LCORL: variants seen among roughly 807,000 people sequenced by gnomAD.
LCORL encodes ligand-dependent nuclear receptor corepressor-like protein.
In LCORL, 41 loss-of-function variants were observed where a neutral mutation model predicts 141.8. The observed-to-expected ratio is 0.29, with a 90% CI of 0.23 to 0.38. The LOEUF is 0.38. LCORL is among the 10% of genes least tolerant of loss of function. The pLI is 1.00. For synonymous variants in LCORL, 618 were observed against 694.1 expected (o/e 0.89, Z 1.72); for missense variants, 1,759 against 2,035.0 (o/e 0.86, Z 2.61).
intron 5 of LCORL, among the ~76,000 whole-genome samples, chr4:17,897,599 G>C (rs899269353): frequency 2.6e-5 from 4 of 152,028 alleles, no homozygotes; most frequent in Admixed American, 2.6e-4. Flanking sequence ...ACCTCCAATA[G>C]AGACTACTAA....
intron 7 of LCORL, among the ~76,000 whole-genome samples, chr4:17,861,732 C>T (rs1400995618): frequency 6.6e-6 from 1 of 152,204 alleles, no homozygotes; most frequent in Non-Finnish European, 1.5e-5. Context: ...TTTAACAGCA[C>T]CCAAGTTTCC....
At chr4:18,000,966 A>G (rs1447400329) in intron 1 of LCORL, among the ~76,000 whole-genome samples, 2 of 152,238 alleles carry the variant, frequency 1.3e-5, no homozygotes, top group African/African-American at 4.8e-5. Flanking sequence ...TAATCCAGAA[A>G]GAAAACAAAT....
chr4:17,922,662 G>C (rs932035357), intron 4 of LCORL, among the ~76,000 whole-genome samples: 1 of 152,046 alleles, frequency 6.6e-6, no homozygotes, highest in Non-Finnish European at 1.5e-5. Flanking sequence ...CTTATCATGC[G>C]AGTGGCTGAC....
At chr4:17,930,210 T>C (rs1359999683) in intron 4 of LCORL, among the ~76,000 whole-genome samples, 4 of 152,140 alleles carry the variant, frequency 2.6e-5, no homozygotes, top group Non-Finnish European at 1.5e-5. Context: ...TCCTCAAAAA[T>C]GTAAATATAA....
intron 2 of LCORL, among the ~76,000 whole-genome samples, chr4:17,972,555 C>A (rs182539128): frequency 6.6e-5 from 10 of 151,296 alleles, no homozygotes; most frequent in Non-Finnish European, 1.2e-4. Context: ...TAAGTTAGGG[C>A]GTAGAATCAA....
chr4:17,952,403 C>A (rs1394124422), intron 4 of LCORL, among the ~76,000 whole-genome samples: 1 of 150,924 alleles, frequency 6.6e-6, no homozygotes, highest in Non-Finnish European at 1.5e-5. Flanking sequence ...TTTTCTTTCC[C>A]CTCAAAAACA....
chr4:17,909,434 T>C, intron 4 of LCORL, 89 bp from the exon 5 acceptor site: 2 of 953,694 alleles, frequency 2.1e-6, no homozygotes. Flanking sequence ...AATTAATGAC[T>C]TCAGAAGTCT....
chr4:17,907,717 G>A (rs549289829), intron 5 of LCORL, among the ~76,000 whole-genome samples: 7 of 152,106 alleles, frequency 4.6e-5, no homozygotes, highest in African/African-American at 1.7e-4. Flanking sequence ...CCCCCCACCG[G>A]CTTTTTAAAG....
intron 5 of LCORL, among the ~76,000 whole-genome samples, chr4:17,905,256 T>C (rs543905688): frequency 6.6e-6 from 1 of 152,238 alleles, no homozygotes; most frequent in East Asian, 1.9e-4. Context: ...TGCCCATCTA[T>C]TATTCTTTGT....
chr4:17,890,954 GT>G (rs1186644793), intron 5 of LCORL, among the ~76,000 whole-genome samples: 2 of 152,006 alleles, frequency 1.3e-5, no homozygotes, highest in Non-Finnish European at 2.9e-5. Context: ...ATATAGAATT[GT>G]TTTCCACCCC....
At position 18,021,846 on chromosome 4, in the gene LCORL, C is replaced by T; in HGVS notation, c.-95G>A. On this transcript the variant is annotated 5_prime_UTR_variant, in exon 1 of 8. Transcript: ENST00000635767. The surrounding 1 kb of genome is among the most constrained non-coding windows in gnomAD (Gnocchi z 5.5). ...CGGCGCGAGCCCCGGAGCGCGCGCCCCCCGGAGGGGGGTTGATTGACACGT... is the reference window on the plus strand; with the variant it reads ...CGGCGCGAGCCCCGGAGCGCGCGCCTCCCGGAGGGGGGTTGATTGACACGT... 2.9e-6 allele frequency: 4 copies of T among 1,360,908 alleles called. No individual in the cohort carries two copies. The highest frequency in any genetic ancestry group is 3.8e-6 in the Non-Finnish European group (4 of 1,051,936). 84.3% of individuals were successfully genotyped at this position (1,360,908 alleles called of 1,614,324 possible). A position where few individuals can be genotyped will look rare whatever the true frequency, so the allele number is the denominator to read the frequency against.
At chr4:17,930,588 T>C (rs1735862148) in intron 4 of LCORL, among the ~76,000 whole-genome samples, 1 of 152,324 alleles carries the variant, frequency 6.6e-6, no homozygotes, top group South Asian at 2.1e-4. Context: ...GATTAACAAG[T>C]GAATAATATC....
intron 1 of LCORL, among the ~76,000 whole-genome samples, chr4:18,013,961 C>T (rs1036452031): frequency 2.6e-5 from 4 of 152,018 alleles, no homozygotes; most frequent in African/African-American, 4.8e-5. Flanking sequence ...GAATGTGCCA[C>T]CATGCCCAGC....
intron 4 of LCORL, among the ~76,000 whole-genome samples, chr4:17,938,305 C>A (rs562490397): frequency 1.3e-5 from 2 of 152,086 alleles, no homozygotes; most frequent in East Asian, 3.9e-4. Flanking sequence ...CCACGCACAG[C>A]CATAAATTTA....
chr4:17,999,011 T>C (rs201788943), intron 1 of LCORL, among the ~76,000 whole-genome samples: 474 of 29,670 alleles, frequency 0.016, 9 homozygotes, highest in East Asian at 0.15. Flanking sequence ...TATACACACA[T>C]ATATATATAT....
At position 17,863,525 on chromosome 4, in the gene LCORL, A is replaced by C. The variant is rs1725259061; in HGVS notation, c.5602+9863T>G. On this transcript the variant is annotated intron_variant, in intron 7 of 7. Coordinates refer to ENST00000635767, the Ensembl canonical transcript of LCORL. ...GCTGGCAAGGTTGTGGAGAAAAGGG[A>C]ATGCTTATACACTGCTGGTGGGAAT... Among the ~76,000 whole-genome samples the C allele has an allele frequency of 2.0e-5, 3 of 152,204 alleles. No homozygotes were observed. In the South Asian group the frequency reaches 6.2e-4, roughly 31 times the overall value.
chr4:17,937,737 A>C (rs1737102006), intron 4 of LCORL, among the ~76,000 whole-genome samples: 1 of 152,108 alleles, frequency 6.6e-6, no homozygotes, highest in Admixed American at 6.5e-5. Flanking sequence ...GACAAATTTA[A>C]ATTCATTATA....
chr4:17,854,752 T>G (rs1724158853), intron 7 of LCORL, among the ~76,000 whole-genome samples: 1 of 152,184 alleles, frequency 6.6e-6, no homozygotes, highest in Admixed American at 6.5e-5. Context: ...CTGATGAATT[T>G]AAAGGCTTTG....
chr4:17,932,686 T>A (rs1019061570), intron 4 of LCORL, among the ~76,000 whole-genome samples: 1 of 152,180 alleles, frequency 6.6e-6, no homozygotes, highest in Admixed American at 6.5e-5. Context: ...TCACTTTTTG[T>A]AGATAAAGTT....
Sources: gnomAD v4.1 joint callset for allele counts (sites outside exome capture counted in the v4.1 genomes callset) on GRCh38, gnomAD v4.1.1 for gene constraint, Gnocchi (gnomAD v3.1) non-coding constraint, MANE v1.5 for transcripts, NCBI Gene and HGNC (gene_info 2026-07-23, HGNC 2026-07-21) for gene names.